Variants in PKD2 observed in about 807,000 individuals in gnomAD.
PKD2 encodes polycystin 2, transient receptor potential cation channel.
PKD2 carries 48 observed loss-of-function variants against 105.9 expected under a neutral mutation model. The observed-to-expected ratio is 0.45, with a 90% CI of 0.36 to 0.58. PKD2 has a LOEUF of 0.58. Among genes scored for constraint, PKD2 ranks in the 20% least tolerant of loss-of-function variants. The pLI is 0.00. For missense variants in PKD2, 1,078 were observed against 1,255.3 expected, an observed-to-expected ratio of 0.86 and a Z score of 2.13; for synonymous variants, 464 against 481.1, an observed-to-expected ratio of 0.96 and a Z score of 0.46.
intron 2 of PKD2, 174 bp from the exon 3 acceptor site, chr4:88,036,046 T>A (rs771611092): frequency 2.1e-6 from 2 of 933,116 alleles, no homozygotes. Flanking sequence ...GCCAGAGATA[T>A]AGAGAGATAC....
chr4:88,067,833 C>A, intron 12 of PKD2, 65 bp from the exon 13 acceptor site: 1 of 1,448,122 alleles, frequency 6.9e-7, no homozygotes, highest in South Asian at 1.2e-5. Flanking sequence ...TTGCCCAAGT[C>A]CTTGGTGAGG....
At chr4:88,013,181 T>G (rs1236818185) in intron 1 of PKD2, among the ~76,000 whole-genome samples, 1 of 152,206 alleles carries the variant, frequency 6.6e-6, no homozygotes, top group Non-Finnish European at 1.5e-5. Context: ...TTCATTACTC[T>G]GGGGATTTTT....
chr4:88,020,287 G>A (rs188926136), intron 2 of PKD2, among the ~76,000 whole-genome samples: 15 of 152,140 alleles, frequency 9.9e-5, no homozygotes, highest in African/African-American at 3.4e-4. Context: ...GCTTTTATTG[G>A]CGTATACATG....
intron 8 of PKD2, among the ~76,000 whole-genome samples, chr4:88,057,289 C>T (rs1372369621): frequency 6.6e-6 from 1 of 151,696 alleles, no homozygotes; most frequent in Admixed American, 6.6e-5. Flanking sequence ...CCACACCAGG[C>T]CCTGTTGTTT....
chr4:88,012,750 G>A (rs764864960), intron 1 of PKD2, among the ~76,000 whole-genome samples: 15 of 151,978 alleles, frequency 9.9e-5, no homozygotes, highest in South Asian at 6.2e-4. Flanking sequence ...TGCCCCAGAC[G>A]CTAGTAACCT....
intron 2 of PKD2, among the ~76,000 whole-genome samples, chr4:88,033,725 C>T (rs1727239223): frequency 6.6e-6 from 1 of 152,030 alleles, no homozygotes; most frequent in African/African-American, 2.4e-5. Context: ...CAGCAACAAC[C>T]ACAGTAAACC....
chr4:88,009,701 C>T (rs992301568), intron 1 of PKD2, among the ~76,000 whole-genome samples: 10 of 152,214 alleles, frequency 6.6e-5, no homozygotes, highest in Admixed American at 4.6e-4. Flanking sequence ...AGATCCTTTT[C>T]GGATAACCTG....
chr4:88,050,063 C>T (rs536558972), intron 6 of PKD2, among the ~76,000 whole-genome samples: 187 of 151,026 alleles, frequency 1.2e-3, no homozygotes, highest in African/African-American at 4.4e-3. Flanking sequence ...CAAGCTCTGC[C>T]TCCCGGGTTC....
intron 13 of PKD2, among the ~76,000 whole-genome samples, chr4:88,070,589 TATATATATATATAGAGAG>T (rs1368268555): frequency 4.6e-4 from 48 of 105,304 alleles, no homozygotes; most frequent in African/African-American, 1.3e-3. Flanking sequence ...TATATATATA[TATATATATATATAGAGAG>T]AGAGAGAGAG....
chr4:88,056,440 A>G (rs975469482), intron 8 of PKD2, among the ~76,000 whole-genome samples, 173 bp downstream of exon 8: 12 of 152,352 alleles, frequency 7.9e-5, no homozygotes, highest in East Asian at 1.9e-4. Context: ...AAAGAAGACA[A>G]TGCATCCTGA....
At position 88,077,495 on chromosome 4, in the gene PKD2, A is replaced by C. The variant is rs1269880448; in HGVS notation, c.*1801A>C. ...TGTATCGACCATGTGCCATATATCA[A>C]TTATGGTCACTAGAAAGTCTCTTTA... On this transcript the variant is annotated 3_prime_UTR_variant, in exon 15 of 15. Coordinates refer to ENST00000237596, the MANE Select transcript of PKD2 (RefSeq NM_000297.4). 6.6e-6 allele frequency: 1 copy of C among 152,614 alleles called. No homozygotes were observed. Among genetic ancestry groups the C allele is most frequent in the Non-Finnish European group, 1.5e-5 (1 of 68,036 alleles). The allele number at this position is 152,614 out of a possible 1,614,324, so 9.5% of individuals were successfully genotyped here. A position where few individuals can be genotyped will look rare whatever the true frequency, so the allele number is the denominator to read the frequency against.
At chr4:88,068,405 G>T (rs1017082527) in intron 13 of PKD2, among the ~76,000 whole-genome samples, 1 of 151,904 alleles carries the variant, frequency 6.6e-6, no homozygotes, top group African/African-American at 2.4e-5. Context: ...GGGAGGCGGA[G>T]GTTACAGAGA....
At chr4:88,027,588 C>A (rs1280892930) in intron 2 of PKD2, among the ~76,000 whole-genome samples, 1 of 152,064 alleles carries the variant, frequency 6.6e-6, no homozygotes, top group East Asian at 1.9e-4. Flanking sequence ...CATTGGGGTT[C>A]TGTTGGGAAG....
At chr4:88,012,290 G>A (rs958992876) in intron 1 of PKD2, among the ~76,000 whole-genome samples, 1 of 152,200 alleles carries the variant, frequency 6.6e-6, no homozygotes, top group Non-Finnish European at 1.5e-5. Context: ...AAGGTTAAAT[G>A]ACTTGCCCAG....
chr4:88,036,059 T>C, intron 2 of PKD2, 161 bp from the exon 3 acceptor site: 1 of 1,031,086 alleles, frequency 9.7e-7, no homozygotes, highest in Non-Finnish European at 1.5e-6. Flanking sequence ...AGAGATACCC[T>C]AGAAGAATGA....
intron 8 of PKD2, among the ~76,000 whole-genome samples, chr4:88,057,374 G>GA (rs975885577): frequency 2.6e-5 from 4 of 151,308 alleles, no homozygotes; most frequent in African/African-American, 9.7e-5. Flanking sequence ...GTTTTACCTA[G>GA]ATTATGTGTT....
intron 2 of PKD2, among the ~76,000 whole-genome samples, chr4:88,024,620 A>G (rs1197577314): frequency 6.6e-6 from 1 of 152,078 alleles, no homozygotes; most frequent in Non-Finnish European, 1.5e-5. Flanking sequence ...TAAAAAATCT[A>G]TATATAGTTT....
At position 88,076,983 on chromosome 4, in the gene PKD2, ACT is replaced by A. The variant is rs998056151; in HGVS notation, c.*1290_*1291del. The A allele has an allele frequency of 2.0e-5, 3 of 152,176 alleles. No homozygotes were observed. The highest frequency in any genetic ancestry group is 7.2e-5 in the African/African-American group (3 of 41,452). 9.4% of individuals were successfully genotyped at this position (152,176 alleles called of 1,614,324 possible). The stretch of plus-strand genomic sequence containing the variant: ...ATCAGCCAAAATTTGAGTTAGCAAC[ACT>A]GTTTTCTTTACGAGAGGGTCTCACC... On this transcript the variant is annotated 3_prime_UTR_variant, in exon 15 of 15. Coordinates refer to ENST00000237596, the MANE Select transcript of PKD2 (RefSeq NM_000297.4).
intron 1 of PKD2, among the ~76,000 whole-genome samples, chr4:88,017,516 T>C (rs1325913595): frequency 1.3e-5 from 2 of 152,182 alleles, no homozygotes; most frequent in African/African-American, 2.4e-5. Flanking sequence ...TTCAACCGAT[T>C]CTTCTGCCTC....
Sources: gnomAD v4.1 joint callset for allele counts (sites outside exome capture counted in the v4.1 genomes callset) on GRCh38, gnomAD v4.1.1 for gene constraint, MANE v1.5 for transcripts, NCBI Gene and HGNC (gene_info 2026-07-23, HGNC 2026-07-21) for gene names.